Variants in CAMTA1 observed in about 807,000 individuals in gnomAD.
CAMTA1 encodes the protein calmodulin binding transcription activator 1, also known as calmodulin-binding transcription activator 1.
Under a neutral mutation model 170.9 loss-of-function variants are expected in CAMTA1, and 27 were observed. That is an observed-to-expected ratio of 0.16 (90% CI 0.12 to 0.22). CAMTA1 has a LOEUF of 0.22. Among genes scored for constraint, CAMTA1 ranks in the 10% least tolerant of loss-of-function variants. The pLI, the probability that CAMTA1 is intolerant of heterozygous loss-of-function variation, is 1.00. For missense variants in CAMTA1, 1,619 were observed against 2,217.2 expected (o/e 0.73, Z 5.42); for synonymous variants, 833 against 891.5 (o/e 0.93, Z 1.17).
intron 3 of CAMTA1, among the ~76,000 whole-genome samples, chr1:7,076,127 C>T (rs1396835806): frequency 2.6e-5 from 4 of 152,188 alleles, no homozygotes; most frequent in Non-Finnish European, 4.4e-5. Flanking sequence ...AAGGATAATG[C>T]ATCAGGGTTC....
intron 4 of CAMTA1, among the ~76,000 whole-genome samples, chr1:7,103,490 C>G (rs1643025781): frequency 6.8e-6 from 1 of 147,762 alleles, no homozygotes; most frequent in Non-Finnish European, 1.5e-5. Flanking sequence ...TACACACGTA[C>G]ACACAACACA....
At chr1:6,792,242 GC>G (rs1157688466) in intron 1 of CAMTA1, among the ~76,000 whole-genome samples, 1 of 151,930 alleles carries the variant, frequency 6.6e-6, no homozygotes, top group Non-Finnish European at 1.5e-5. Context: ...ACAGGCATGA[GC>G]CAATGTGCCT....
At chr1:6,941,069 A>G (rs1686522150) in intron 3 of CAMTA1, among the ~76,000 whole-genome samples, 1 of 151,486 alleles carries the variant, frequency 6.6e-6, no homozygotes, top group Non-Finnish European at 1.5e-5. Flanking sequence ...TTTTCTGCCG[A>G]GGAGCCCACA....
chr1:6,825,267 T>G, intron 3 of CAMTA1, 57 bp downstream of exon 3: 1 of 834,912 alleles, frequency 1.2e-6, no homozygotes, highest in South Asian at 1.6e-5. Flanking sequence ...TTTTTTAGGT[T>G]GCTTCACATA....
intron 6 of CAMTA1, among the ~76,000 whole-genome samples, chr1:7,556,890 T>C (rs541425394): frequency 2.0e-5 from 3 of 152,284 alleles, no homozygotes; most frequent in African/African-American, 7.2e-5. Flanking sequence ...GCACAGCTCA[T>C]GGCGGGCACT....
intron 3 of CAMTA1, among the ~76,000 whole-genome samples, chr1:6,902,723 G>A (rs1014582775): frequency 6.6e-6 from 1 of 152,202 alleles, no homozygotes; most frequent in South Asian, 2.1e-4. Flanking sequence ...ATGTAGAAAG[G>A]TGTTCAACGT....
At chr1:7,242,875 T>C (rs1176135018) in intron 4 of CAMTA1, among the ~76,000 whole-genome samples, 1 of 151,954 alleles carries the variant, frequency 6.6e-6, no homozygotes, top group East Asian at 1.9e-4. Flanking sequence ...GGCAGGAGAA[T>C]GGCATGAACC....
chr1:7,071,522 G>A (rs1009123618), intron 3 of CAMTA1, among the ~76,000 whole-genome samples: 17 of 152,040 alleles, frequency 1.1e-4, no homozygotes, highest in Middle Eastern at 3.4e-3. Flanking sequence ...AAAAATAAAC[G>A]GACTATAGTT....
chr1:7,085,809 T>A (rs1640659265), intron 3 of CAMTA1, among the ~76,000 whole-genome samples: 2 of 152,198 alleles, frequency 1.3e-5, no homozygotes, highest in South Asian at 4.1e-4. Flanking sequence ...TTTGCAGTCC[T>A]CTATCAAAAC....
rs914505108 is a variant in CAMTA1 at position 7,767,169 on chromosome 1, G to C, written c.*678G>C. 10 of 152,878 alleles carry C rather than the reference G, an allele frequency of 6.5e-5. No individual in the cohort carries two copies. The highest frequency in any genetic ancestry group is 1.3e-4 in the Admixed American group (2 of 15,296). 9.5% of individuals were successfully genotyped at this position (152,878 alleles called of 1,614,324 possible). On this transcript the variant is annotated 3_prime_UTR_variant, in exon 23 of 23. Coordinates refer to ENST00000303635, the MANE Select transcript of CAMTA1 (RefSeq NM_015215.4). ...AGAGGGGCAGGTGTGTGGTAAACGG[G>C]TAATGCATGGGAAATAATGAGAAGC... is the stretch of plus-strand genomic sequence containing the variant.
At chr1:7,486,996 A>G (rs1465728928) in intron 6 of CAMTA1, among the ~76,000 whole-genome samples, 2 of 149,842 alleles carry the variant, frequency 1.3e-5, no homozygotes, top group Non-Finnish European at 3.0e-5. Flanking sequence ...AGAAATGAGA[A>G]TAGCACCTGA....
chr1:7,301,920 C>T (rs1205974146), intron 5 of CAMTA1, among the ~76,000 whole-genome samples: 2 of 152,126 alleles, frequency 1.3e-5, no homozygotes, highest in Non-Finnish European at 2.9e-5. Context: ...GGCCTGGCCC[C>T]CTGTCATCCA....
At chr1:6,871,146 G>A (rs993604758) in intron 3 of CAMTA1, among the ~76,000 whole-genome samples, 1 of 152,278 alleles carries the variant, frequency 6.6e-6, no homozygotes, top group African/African-American at 2.4e-5. Context: ...GATATTCCTC[G>A]TGTCAAGCCC....
chr1:7,581,969 T>C (rs533337242), intron 6 of CAMTA1, among the ~76,000 whole-genome samples: 1 of 152,226 alleles, frequency 6.6e-6, no homozygotes, highest in African/African-American at 2.4e-5. Context: ...GGTGTGATGA[T>C]ATTCGTGTGC....
intron 5 of CAMTA1, among the ~76,000 whole-genome samples, chr1:7,412,013 G>T (rs2090809732): frequency 6.6e-6 from 1 of 150,652 alleles, no homozygotes; most frequent in Non-Finnish European, 1.5e-5. Flanking sequence ...GCGGTGTTTG[G>T]TTTTTTGTCC....
intron 5 of CAMTA1, among the ~76,000 whole-genome samples, chr1:7,390,068 G>T (rs532074871): frequency 6.6e-6 from 1 of 152,114 alleles, no homozygotes; most frequent in African/African-American, 2.4e-5. Flanking sequence ...CTTCCCTGCC[G>T]GACGGCTCTG....
chr1:6,861,667 G>A (rs1557717022), intron 3 of CAMTA1, among the ~76,000 whole-genome samples: 1 of 152,104 alleles, frequency 6.6e-6, no homozygotes, highest in African/African-American at 2.4e-5. Context: ...CTCATGACAC[G>A]TCATTGTAGC....
chr1:6,925,747 G>A (rs1180355256), intron 3 of CAMTA1, among the ~76,000 whole-genome samples: 1 of 152,192 alleles, frequency 6.6e-6, no homozygotes, highest in African/African-American at 2.4e-5. Flanking sequence ...TGGTCCCACT[G>A]TTTATTTTCT....
intron 3 of CAMTA1, among the ~76,000 whole-genome samples, chr1:6,882,929 G>C (rs1672016839): frequency 6.6e-6 from 1 of 152,110 alleles, no homozygotes; most frequent in African/African-American, 2.4e-5. Context: ...TCTTTGCTTT[G>C]CTTTGCTTTT....
Sources: allele counts gnomAD v4.1 joint callset (sites outside exome capture counted in the v4.1 genomes callset), GRCh38; gene constraint gnomAD v4.1.1; transcripts MANE v1.5; gene names NCBI Gene and HGNC (gene_info 2026-07-23, HGNC 2026-07-21).